Variants in RANBP2 observed in about 807,000 individuals in gnomAD.
The protein encoded by RANBP2 is RAN binding protein 2.
A neutral mutation model predicts 303.6 loss-of-function variants in RANBP2; 57 were observed. The ratio of observed to expected loss-of-function variants is 0.19; its 90% CI spans 0.15 to 0.23. The LOEUF (loss-of-function observed/expected upper bound fraction) is 0.23. RANBP2 is among the 10% of genes least tolerant of loss of function. The pLI is 1.00. For synonymous variants in RANBP2, 1,167 were observed against 1,301.5 expected, an observed-to-expected ratio of 0.90 and a Z score of 2.23; for missense variants, 3,138 against 3,780.8, an observed-to-expected ratio of 0.83 and a Z score of 4.46.
At chr2:108,902,098 C>A in the RANBP2 span, among the ~76,000 whole-genome samples, 1 of 151,898 alleles carries the variant, frequency 6.6e-6, no homozygotes, top group South Asian at 2.1e-4. Context: ...ATTAGCTGGG[C>A]ATGGTGGCAT....
At chr2:108,844,552 T>A in the RANBP2 span, among the ~76,000 whole-genome samples, 1 of 152,182 alleles carries the variant, frequency 6.6e-6, no homozygotes, top group South Asian at 2.1e-4. Context: ...CTGTTGATTG[T>A]CTTTTCTTCA....
chr2:109,437,376 A>G, the RANBP2 span, among the ~76,000 whole-genome samples: 1 of 150,374 alleles, frequency 6.7e-6, no homozygotes, highest in Admixed American at 6.6e-5. Context: ...ACATCTTGTC[A>G]TGCTCGTGAA....
At chr2:109,695,834 G>GT in the RANBP2 span, among the ~76,000 whole-genome samples, 31 of 151,958 alleles carry the variant, frequency 2.0e-4, no homozygotes, top group South Asian at 6.3e-4. Context: ...TGCCAAAAAG[G>GT]TTTTTTTTGT....
At chr2:108,914,874 C>T in the RANBP2 span, among the ~76,000 whole-genome samples, 809 of 152,302 alleles carry the variant, frequency 5.3e-3, 40 homozygotes, top group Admixed American at 0.049. Context: ...TCAGCCCATG[C>T]AGCAAGGCTT....
chr2:108,750,189 T>A (rs978605932), intron 9 of RANBP2, among the ~76,000 whole-genome samples: 8 of 152,286 alleles, frequency 5.3e-5, no homozygotes, highest in Non-Finnish European at 1.0e-4. Flanking sequence ...CCACTGCATC[T>A]GGCCATATTT....
rs188366716 is a variant in RANBP2, at chr2:108,727,069, A to G, written c.73-2063A>G. 4.7e-3 allele frequency among the ~76,000 whole-genome samples: 717 copies of G among 152,158 alleles called. 5 individuals are homozygous for G. Among genetic ancestry groups the G allele is most frequent in the Admixed American group, 0.01 (156 of 15,292 alleles). On this transcript the variant is annotated intron_variant, in intron 1 of 28. Coordinates refer to ENST00000283195, the MANE Select transcript of RANBP2 (RefSeq NM_006267.5). ...GACACGGCAACCATCCGATTTCTCA[A>G]TCTTTTCCCCACCTTTCCCGCCTTT... is the stretch of plus-strand genomic sequence containing the variant.
At chr2:109,159,080 G>A in the RANBP2 span, among the ~76,000 whole-genome samples, 1 of 152,204 alleles carries the variant, frequency 6.6e-6, no homozygotes, top group Admixed American at 6.5e-5. Context: ...TCGCACCACT[G>A]CACTCCAGCC....
the RANBP2 span, among the ~76,000 whole-genome samples, chr2:109,408,751 C>T: frequency 6.6e-6 from 1 of 152,250 alleles, no homozygotes; most frequent in Admixed American, 6.5e-5. Flanking sequence ...GTAAAGGAGG[C>T]ACTTTCTGTT....
At chr2:109,377,723 A>G in the RANBP2 span, among the ~76,000 whole-genome samples, 1 of 152,186 alleles carries the variant, frequency 6.6e-6, no homozygotes, top group South Asian at 2.1e-4. Context: ...CAGCACAATG[A>G]TGATAGCGTG....
At chr2:109,767,143 C>T in the RANBP2 span, among the ~76,000 whole-genome samples, 2 of 141,740 alleles carry the variant, frequency 1.4e-5, no homozygotes, top group African/African-American at 5.2e-5. Context: ...GTCAATTGCT[C>T]TGAATGCCAA....
chr2:109,398,960 C>T, the RANBP2 span: 1 of 1,598,916 alleles, frequency 6.3e-7, no homozygotes, highest in Non-Finnish European at 8.5e-7. Flanking sequence ...TCCCGCGGGC[C>T]AGGGCAGGCA....
In RANBP2 at chr2:108,765,448, C is replaced by G. The variant is rs369827330; in HGVS notation, c.4909C>G (p.Gln1637Glu). Residue 1637 changes from glutamine (Q) to glutamate (E), a missense_variant, in exon 20 of 29, where the codon CAA becomes GAA. Coordinates refer to ENST00000283195, the MANE Select transcript of RANBP2 (RefSeq NM_006267.5). ...IACQNPGKQN[Q>E]TTSAVSTPAS... is the part of the protein sequence containing the mutation. ...TTGTCAGAATCCAGGTAAACAAAATCAAACTACTTCTGCAGTTTCAACACC... is the reference window on the plus strand; with the variant it reads ...TTGTCAGAATCCAGGTAAACAAAATGAAACTACTTCTGCAGTTTCAACACC... 2 of 1,516,242 alleles carry G rather than the reference C, an allele frequency of 1.3e-6. No individual in the cohort carries two copies. The highest frequency in any genetic ancestry group is 1.8e-6 in the Non-Finnish European group (2 of 1,134,128). 93.9% of individuals were successfully genotyped at this position (1,516,242 alleles called of 1,614,324 possible).
At chr2:109,351,381 T>A in the RANBP2 span, among the ~76,000 whole-genome samples, 1 of 152,148 alleles carries the variant, frequency 6.6e-6, no homozygotes, top group South Asian at 2.1e-4. Context: ...TGTGGTGTGC[T>A]GAGAACCACA....
At chr2:109,546,190 T>C in the RANBP2 span, 1 of 1,605,620 alleles carries the variant, frequency 6.2e-7, no homozygotes, top group Non-Finnish European at 8.5e-7. Context: ...CAAGCTTCAT[T>C]CTCTCTTCTT....
the RANBP2 span, among the ~76,000 whole-genome samples, chr2:109,186,450 G>A: frequency 6.6e-6 from 1 of 152,336 alleles, no homozygotes; most frequent in East Asian, 1.9e-4. Context: ...ACACTTCACC[G>A]CCGTGCTGGA....
chr2:109,001,731 T>A, the RANBP2 span, among the ~76,000 whole-genome samples: 1 of 152,140 alleles, frequency 6.6e-6, no homozygotes, highest in Non-Finnish European at 1.5e-5. Context: ...TGTTTTTGTT[T>A]GTTTGTTTGT....
At chr2:109,729,868 G>A in the RANBP2 span, among the ~76,000 whole-genome samples, 1 of 152,194 alleles carries the variant, frequency 6.6e-6, no homozygotes, top group Non-Finnish European at 1.5e-5. Flanking sequence ...ACATGGCTGG[G>A]GATGCCTCAG....
the RANBP2 span, among the ~76,000 whole-genome samples, chr2:109,189,045 A>G: frequency 6.6e-6 from 1 of 151,882 alleles, no homozygotes; most frequent in African/African-American, 2.4e-5. Flanking sequence ...CCACCCTCCC[A>G]TAGGAGTCCC....
the RANBP2 span, among the ~76,000 whole-genome samples, chr2:109,075,579 CAAA>C: frequency 0.017 from 1,869 of 109,700 alleles, 38 homozygotes; most frequent in African/African-American, 0.042. Context: ...CTTAGACAAA[CAAA>C]AAAAAAAAAA....
Sources: allele counts gnomAD v4.1 joint callset (sites outside exome capture counted in the v4.1 genomes callset), GRCh38; gene constraint gnomAD v4.1.1; transcripts MANE v1.5; gene names NCBI Gene and HGNC (gene_info 2026-07-23, HGNC 2026-07-21).